PCDH11X: variants seen among roughly 807,000 people sequenced by gnomAD.
PCDH11X encodes the protein protocadherin-11 X-linked.
PCDH11X carries 18 observed loss-of-function variants against 53.3 expected under a neutral mutation model. The ratio of observed to expected loss-of-function variants is 0.34; its 90% CI spans 0.23 to 0.50. The LOEUF is 0.50. PCDH11X is among the 20% of genes least tolerant of loss of function. PCDH11X has a pLI of 0.98. For missense variants in PCDH11X, 570 were observed against 1,032.4 expected, an observed-to-expected ratio of 0.55 and a Z score of 6.14; for synonymous variants, 279 against 393.3, an observed-to-expected ratio of 0.71 and a Z score of 3.44.
At chrX:92,435,406 A>G (rs771481048) in intron 9 of PCDH11X, among the ~76,000 whole-genome samples, 3 of 110,451 alleles carry the variant, frequency 2.7e-5, no homozygotes, top group African/African-American at 9.9e-5. Context: ...ATTGCTAGAG[A>G]GGCCAACAGT....
intron 10 of PCDH11X, among the ~76,000 whole-genome samples, chrX:92,499,865 GAAGA>G (rs886321067): frequency 1.6e-4 from 17 of 105,448 alleles, no homozygotes; most frequent in East Asian, 3.0e-4. Flanking sequence ...AAGAAAGAAA[GAAGA>G]AAGAAAGAAA....
intron 10 of PCDH11X, among the ~76,000 whole-genome samples, chrX:92,556,113 C>T (rs2075041929): frequency 8.9e-6 from 1 of 111,872 alleles, no homozygotes; most frequent in Admixed American, 9.5e-5. Flanking sequence ...TTACTTCCCA[C>T]TGGGTCCCTC....
At chrX:92,110,066 G>A (rs1569361507) in intron 6 of PCDH11X, among the ~76,000 whole-genome samples, 1 of 111,892 alleles carries the variant, frequency 8.9e-6, no homozygotes, top group Non-Finnish European at 1.9e-5. Flanking sequence ...AATTGAAATA[G>A]CTACTTTTAT....
At chrX:92,327,169 T>C (rs1289879895) in intron 8 of PCDH11X, among the ~76,000 whole-genome samples, 6 of 109,756 alleles carry the variant, frequency 5.5e-5, no homozygotes, top group African/African-American at 2.0e-4. Context: ...AATATTTGAA[T>C]TACATAAATC....
intron 10 of PCDH11X, among the ~76,000 whole-genome samples, chrX:92,589,232 A>T (rs949469432): frequency 9.0e-5 from 10 of 111,572 alleles, no homozygotes; most frequent in African/African-American, 3.3e-4. Flanking sequence ...GAAAATATTA[A>T]TAAGAAATCA....
intron 6 of PCDH11X, among the ~76,000 whole-genome samples, chrX:92,095,050 A>T (rs1379163036): frequency 9.0e-6 from 1 of 111,219 alleles, no homozygotes; most frequent in African/African-American, 3.3e-5. Flanking sequence ...TGAATTCTGT[A>T]GAGATTTCAG....
At chrX:92,194,424 A>G (rs1200445041) in intron 6 of PCDH11X, among the ~76,000 whole-genome samples, 1 of 111,565 alleles carries the variant, frequency 9.0e-6, no homozygotes, top group Non-Finnish European at 1.9e-5. Flanking sequence ...TTTGAAGCCC[A>G]TAAATCCAAT....
chrX:91,883,798 C>CTCCT (rs1940056962), intron 6 of PCDH11X: 1 of 733,874 alleles, frequency 1.4e-6, no homozygotes, highest in Non-Finnish European at 1.6e-6. Flanking sequence ...GAGCAAGACT[C>CTCCT]TGTCTCAAAA....
At chrX:92,396,028 C>G (rs1314494012) in intron 9 of PCDH11X, among the ~76,000 whole-genome samples, 52 of 106,610 alleles carry the variant, frequency 4.9e-4, no homozygotes, top group Non-Finnish European at 8.7e-4. Flanking sequence ...TCTAAAATTA[C>G]TGTTTGTGCT....
chrX:91,942,559 C>T (rs2061523533), intron 6 of PCDH11X, among the ~76,000 whole-genome samples: 1 of 110,353 alleles, frequency 9.1e-6, no homozygotes, highest in African/African-American at 3.3e-5. Flanking sequence ...AATGGAATTC[C>T]TTGTTTAAAA....
At chrX:91,860,826 G>T (rs186906472) in intron 5 of PCDH11X, among the ~76,000 whole-genome samples, 1 of 112,089 alleles carries the variant, frequency 8.9e-6, no homozygotes, top group Admixed American at 9.4e-5. Context: ...CTTGATCGTG[G>T]TGGATAAGCT....
intron 6 of PCDH11X, among the ~76,000 whole-genome samples, chrX:92,063,613 A>T (rs1569335189): frequency 8.9e-6 from 1 of 111,894 alleles, no homozygotes; most frequent in East Asian, 2.8e-4. Flanking sequence ...AGTTATTTGG[A>T]TGTGAGAAAA....
intron 8 of PCDH11X, among the ~76,000 whole-genome samples, chrX:92,378,840 C>T (rs1382471370): frequency 8.9e-6 from 1 of 112,990 alleles, no homozygotes; most frequent in Non-Finnish European, 1.9e-5. Flanking sequence ...TTCCAGATGC[C>T]ATCACATTAG....
intron 7 of PCDH11X, among the ~76,000 whole-genome samples, chrX:92,219,448 T>C (rs1312222627): frequency 9.0e-6 from 1 of 110,688 alleles, no homozygotes; most frequent in Admixed American, 9.7e-5. Flanking sequence ...CCATTCACAA[T>C]TGCTTCAAAG....
chrX:92,547,972 T>G (rs753121108), intron 10 of PCDH11X, among the ~76,000 whole-genome samples: 41 of 109,925 alleles, frequency 3.7e-4, no homozygotes, highest in Non-Finnish European at 6.4e-4. Context: ...TTTATTCTAT[T>G]TTTGTAAAGT....
chrX:92,224,944 A>G (rs2066942669), intron 7 of PCDH11X, among the ~76,000 whole-genome samples: 1 of 111,500 alleles, frequency 9.0e-6, no homozygotes, highest in Non-Finnish European at 1.9e-5. Flanking sequence ...TCCTCCACCA[A>G]TGCAAGTGCT....
intron 10 of PCDH11X, among the ~76,000 whole-genome samples, chrX:92,614,945 A>G (rs57515037): frequency 0.13 from 14,101 of 111,448 alleles, 1,920 homozygotes; most frequent in African/African-American, 0.4. Context: ...AGTAGGGGTG[A>G]GGCAGCTCCA....
chrX:92,503,674 A>G (rs1174130236), intron 10 of PCDH11X, among the ~76,000 whole-genome samples: 1 of 108,134 alleles, frequency 9.2e-6, no homozygotes, highest in Non-Finnish European at 1.9e-5. Context: ...GAGCTGAACA[A>G]TGAGAACACA....
At chrX:91,913,991 G>A (rs951453911) in intron 6 of PCDH11X, among the ~76,000 whole-genome samples, 1 of 111,278 alleles carries the variant, frequency 9.0e-6, no homozygotes, top group African/African-American at 3.3e-5. Flanking sequence ...AGCTCTCGCA[G>A]AGTCTACTTT....
Sources: allele counts gnomAD v4.1 joint callset (sites outside exome capture counted in the v4.1 genomes callset), GRCh38; gene constraint gnomAD v4.1.1; transcripts MANE v1.5; gene names NCBI Gene and HGNC (gene_info 2026-07-23, HGNC 2026-07-21).